The following TRHDE variants were observed in gnomAD, a reference collection of about 807,000 sequenced individuals.
TRHDE encodes the protein thyrotropin-releasing hormone-degrading ectoenzyme.
TRHDE carries 72 observed loss-of-function variants against 125.7 expected under a neutral mutation model. That is an observed-to-expected ratio of 0.57 (90% CI 0.47 to 0.70). TRHDE has a LOEUF of 0.70. Among genes scored for constraint, TRHDE ranks in the 30% least tolerant of loss-of-function variants. The pLI, the probability that TRHDE is intolerant of heterozygous loss-of-function variation, is 0.00. For synonymous variants in TRHDE, 509 were observed against 509.1 expected (o/e 1.00, Z 0.00); for missense variants, 1,110 against 1,327.1 (o/e 0.84, Z 2.54).
chr12:72,170,687 A>G (rs991953097), intron 2 of TRHDE, among the ~76,000 whole-genome samples: 1 of 152,132 alleles, frequency 6.6e-6, no homozygotes, highest in African/African-American at 2.4e-5. Flanking sequence ...TTGCTCTTGT[A>G]ACAAGTTTTT....
chr12:72,438,184 G>A (rs1033217794), intron 3 of TRHDE, among the ~76,000 whole-genome samples: 9 of 151,648 alleles, frequency 5.9e-5, no homozygotes, highest in African/African-American at 2.2e-4. Context: ...ATCTGTTGAT[G>A]GACACTTAAT....
chr12:72,628,748 G>A (rs1164640651), intron 15 of TRHDE, among the ~76,000 whole-genome samples: 1 of 151,870 alleles, frequency 6.6e-6, no homozygotes, highest in East Asian at 1.9e-4. Flanking sequence ...TTGTCAAAAT[G>A]AAAATCCTTT....
chr12:72,177,899 G>A (rs982567679), intron 2 of TRHDE, among the ~76,000 whole-genome samples: 2 of 152,156 alleles, frequency 1.3e-5, no homozygotes, highest in Admixed American at 6.5e-5. Context: ...CTAACCTTAT[G>A]CCATATTGTA....
chr12:72,415,923 T>G, intron 3 of TRHDE, among the ~76,000 whole-genome samples: 1 of 152,096 alleles, frequency 6.6e-6, no homozygotes, highest in East Asian at 1.9e-4. Context: ...CTAGATGATA[T>G]GGTGGCTCTA....
intron 6 of TRHDE, among the ~76,000 whole-genome samples, chr12:72,518,434 T>G (rs867227351): frequency 0.052 from 7,853 of 151,952 alleles, 289 homozygotes; most frequent in Admixed American, 0.12. Context: ...TTTGTTGGTT[T>G]AAAGTCTGTT....
At chr12:72,277,203 A>G (rs1181809780) in intron 1 of TRHDE, among the ~76,000 whole-genome samples, 1 of 152,176 alleles carries the variant, frequency 6.6e-6, no homozygotes, top group Non-Finnish European at 1.5e-5. Context: ...AAATGGGAAA[A>G]TAATAGTGGT....
intron 3 of TRHDE, among the ~76,000 whole-genome samples, chr12:72,443,111 T>G (rs1460571751): frequency 6.6e-6 from 1 of 151,792 alleles, no homozygotes; most frequent in Non-Finnish European, 1.5e-5. Flanking sequence ...TAGCTTCATT[T>G]TCCCGAATCC....
At chr12:72,505,718 G>A (rs1878329708) in intron 6 of TRHDE, among the ~76,000 whole-genome samples, 1 of 152,184 alleles carries the variant, frequency 6.6e-6, no homozygotes, top group Admixed American at 6.5e-5. Flanking sequence ...TTTAAAAAGT[G>A]ATTGTGGTAG....
At chr12:72,404,785 C>T (rs1317912532) in intron 3 of TRHDE, among the ~76,000 whole-genome samples, 2 of 152,180 alleles carry the variant, frequency 1.3e-5, no homozygotes, top group African/African-American at 4.8e-5. Flanking sequence ...GGTGAGATCA[C>T]AGCCAAACCA....
chr12:72,501,297 C>G (rs1219228381), intron 6 of TRHDE, among the ~76,000 whole-genome samples: 1 of 152,068 alleles, frequency 6.6e-6, no homozygotes, highest in East Asian at 1.9e-4. Flanking sequence ...TACCTTCAGT[C>G]TTTATCCATT....
chr12:72,656,478 A>G (rs1874713151), intron 17 of TRHDE, among the ~76,000 whole-genome samples: 1 of 152,136 alleles, frequency 6.6e-6, no homozygotes, highest in Non-Finnish European at 1.5e-5. Flanking sequence ...TGCCAGTGTC[A>G]ATTATGACTA....
chr12:72,313,041 A>G (rs1868620306), intron 2 of TRHDE, among the ~76,000 whole-genome samples: 1 of 152,114 alleles, frequency 6.6e-6, no homozygotes, highest in Non-Finnish European at 1.5e-5. Flanking sequence ...CTCATGTGAT[A>G]TAAGCCTTTA....
At chr12:72,361,111 A>C (rs1165804366) in intron 2 of TRHDE, among the ~76,000 whole-genome samples, 1 of 151,796 alleles carries the variant, frequency 6.6e-6, no homozygotes, top group African/African-American at 2.4e-5. Flanking sequence ...TAGTTTGCTG[A>C]GGATAATTTG....
intron 11 of TRHDE, 26 bp from the exon 12 acceptor site, chr12:72,575,461 C>G: frequency 6.2e-7 from 1 of 1,613,292 alleles, no homozygotes; most frequent in Non-Finnish European, 8.5e-7. Context: ...CTAAATTATC[C>G]TATTATTTTT....
chr12:72,235,451 A>G (rs1026087289), intron 2 of TRHDE, among the ~76,000 whole-genome samples: 1 of 152,222 alleles, frequency 6.6e-6, no homozygotes, highest in African/African-American at 2.4e-5. Flanking sequence ...GTTTAGCCTT[A>G]CAGTCTGCAC....
At position 72,272,435 on chromosome 12, in the gene TRHDE, C is replaced by G. The variant is rs1879260280; in HGVS notation, c.-209C>G. 4.2e-6 allele frequency: 2 copies of G among 471,860 alleles called. No homozygotes were observed. The highest frequency in any genetic ancestry group is 7.8e-6 in the Non-Finnish European group (2 of 256,462). 29.2% of individuals were successfully genotyped at this position (471,860 alleles called of 1,614,324 possible). ...TTGGGCGCGTCCCAGAGCTCACAGCCCGGTGTCCAGAGTGAGGCGGGGCTG... is the reference window on the plus strand; with the variant it reads ...TTGGGCGCGTCCCAGAGCTCACAGCGCGGTGTCCAGAGTGAGGCGGGGCTG... On this transcript the variant is annotated 5_prime_UTR_variant, in exon 1 of 19. Transcript: ENST00000261180. This position sits in a 1 kb window ranked among gnomAD's most constrained non-coding sequence, Gnocchi z 6.7.
intron 12 of TRHDE, among the ~76,000 whole-genome samples, chr12:72,598,309 CT>C (rs1308592931): frequency 3.3e-5 from 5 of 152,164 alleles, no homozygotes; most frequent in Non-Finnish European, 5.9e-5. Flanking sequence ...GAAAACTTTA[CT>C]TGATAAACTT....
intron 1 of TRHDE, among the ~76,000 whole-genome samples, chr12:72,096,268 G>A (rs973844055): frequency 6.6e-6 from 1 of 152,004 alleles, no homozygotes. Flanking sequence ...TTTGTGCCCA[G>A]AACATCTTGT....
Position 72,093,721 on chromosome 12 carries a change from A to T in TRHDE, n.174+6282A>T, listed in dbSNP as rs557845795. 3.3e-5 allele frequency among the ~76,000 whole-genome samples: 5 copies of T among 152,044 alleles called. No individual in the cohort carries two copies. The South Asian group carries it at 1.0e-3, about 32-fold the overall frequency. ...GTTAAACTTTTCATTTTGTTCATTCATTGTTTGCCTAATTTTGTTTAGTTG... is the reference window on the plus strand; with the variant it reads ...GTTAAACTTTTCATTTTGTTCATTCTTTGTTTGCCTAATTTTGTTTAGTTG... On this transcript the variant is annotated intron_variant and non_coding_transcript_variant, in intron 1 of 4. Transcript: ENST00000548156.
Sources: allele counts gnomAD v4.1 joint callset (sites outside exome capture counted in the v4.1 genomes callset), GRCh38; gene constraint gnomAD v4.1.1; non-coding constraint Gnocchi (gnomAD v3.1); transcripts MANE v1.5; gene names NCBI Gene and HGNC (gene_info 2026-07-23, HGNC 2026-07-21).